LRCH1: variants seen among roughly 807,000 people sequenced by gnomAD.
The protein encoded by LRCH1 is leucine-rich repeat and calponin homology domain-containing protein 1.
In LRCH1, 23 loss-of-function variants were observed where a neutral mutation model predicts 94.9. The ratio of observed to expected loss-of-function variants is 0.24; its 90% confidence interval spans 0.17 to 0.34. LRCH1 has a LOEUF of 0.34. Ranked by LOEUF, LRCH1 falls within the 10% of genes least tolerant of loss-of-function variation. The probability of loss-of-function intolerance (pLI) is 1.00; values close to 1 mark genes in which losing one functional copy is unlikely to be tolerated. For missense variants in LRCH1, 790 were observed against 945.9 expected, an observed-to-expected ratio of 0.84 and a Z score of 2.16; for synonymous variants, 364 against 354.9, an observed-to-expected ratio of 1.03 and a Z score of -0.29.
chr13:46,715,678 T>C lies in LRCH1; in HGVS notation c.1759+14T>C. 6.8e-7 allele frequency: 1 copy of C among 1,465,668 alleles called. No individual in the cohort carries two copies. The highest frequency in any genetic ancestry group is 9.2e-7 in the Non-Finnish European group (1 of 1,081,592). The allele number at this position is 1,465,668 out of a possible 1,614,324, so 90.8% of individuals were successfully genotyped here. A position where few individuals can be genotyped will look rare whatever the true frequency, so the allele number is the denominator to read the frequency against. On this transcript the variant is annotated intron_variant, in intron 16 of 19. Coordinates refer to ENST00000389797, the MANE Select transcript of LRCH1 (RefSeq NM_001164211.2). ...ACAGTGACAATGGTAGGTGGCTTTG[T>C]ACCTATTCTCCAATGTTCTCATTAA...
At chr13:46,580,518 C>T (rs564420625) in intron 1 of LRCH1, among the ~76,000 whole-genome samples, 2 of 152,322 alleles carry the variant, frequency 1.3e-5, no homozygotes, top group East Asian at 3.9e-4. Flanking sequence ...TCTGCTCCAA[C>T]AGTCTTAACG....
chr13:46,732,963 T>G (rs1873188106), intron 18 of LRCH1, among the ~76,000 whole-genome samples: 1 of 152,228 alleles, frequency 6.6e-6, no homozygotes, highest in Non-Finnish European at 1.5e-5. Flanking sequence ...GGCAACAGAC[T>G]CTGTTTTTGG....
intron 1 of LRCH1, among the ~76,000 whole-genome samples, chr13:46,573,845 A>AATAT (rs1555269134): frequency 9.0e-5 from 7 of 77,998 alleles, no homozygotes; most frequent in African/African-American, 2.2e-4. Flanking sequence ...ACTATAGTCA[A>AATAT]ATATATATAT....
chr13:46,733,989 A>G lies in LRCH1; in HGVS notation c.2076A>G (p.Gly692=). The G allele has an allele frequency of 6.3e-7, 1 of 1,588,278 alleles. No homozygotes were observed. The highest frequency in any genetic ancestry group is 8.6e-7 in the Non-Finnish European group (1 of 1,161,622). ...TTTTGGAAGCATGCCGAAAATTAGGAGTACCAGAGGTAACATCAAACTTAC... is the reference window on the plus strand; with the variant it reads ...TTTTGGAAGCATGCCGAAAATTAGGGGTACCAGAGGTAACATCAAACTTAC... The part of the protein sequence containing the change: ...ENFLEACRKL[G]VPEADLCSPC... The change falls in exon 19 of 20, where the codon GGA becomes GGG. Residue 692 remains glycine, a synonymous_variant. Coordinates refer to ENST00000389797, the MANE Select transcript of LRCH1 (RefSeq NM_001164211.2).
rs1456817773 is a variant in LRCH1 at position 46,553,624 on chromosome 13, G to A, written c.228G>A (p.Leu76=). The A allele has an allele frequency of 1.9e-6, 3 of 1,588,422 alleles. No individual in the cohort carries two copies. Among genetic ancestry groups the A allele is most frequent in the Non-Finnish European group, 2.6e-6 (3 of 1,168,320 alleles). ...AGGAGGCGGCCAACTCCGGGGGGCT[G>A]AACCTGAGCGCCAGGAAATTGAAGG... ...ALEEAANSGG[L]NLSARKLKEF... Residue 76 remains leucine (L), a synonymous_variant, in exon 1 of 20, where the codon CTG becomes CTA. Coordinates refer to ENST00000389797, the MANE Select transcript of LRCH1 (RefSeq NM_001164211.2).
At chr13:46,674,872 T>C (rs1182536089) in intron 3 of LRCH1, among the ~76,000 whole-genome samples, 1 of 152,228 alleles carries the variant, frequency 6.6e-6, no homozygotes, top group East Asian at 1.9e-4. Flanking sequence ...CTCACCACAA[T>C]ACAGCACTGT....
At chr13:46,621,759 AG>A (rs535817852) in intron 1 of LRCH1, among the ~76,000 whole-genome samples, 122 of 152,356 alleles carry the variant, frequency 8.0e-4, no homozygotes, top group African/African-American at 2.9e-3. Flanking sequence ...TAAGAGAGTT[AG>A]TAGCTTCATT....
At chr13:46,627,428 A>G (rs1296479039) in intron 1 of LRCH1, among the ~76,000 whole-genome samples, 3 of 150,854 alleles carry the variant, frequency 2.0e-5, no homozygotes, top group African/African-American at 7.4e-5. Flanking sequence ...AAATTTGGCC[A>G]GATTTTAATT....
At chr13:46,724,057 C>T (rs925904629) in intron 17 of LRCH1, among the ~76,000 whole-genome samples, 6 of 152,112 alleles carry the variant, frequency 3.9e-5, no homozygotes, top group African/African-American at 9.7e-5. Context: ...CGCATGATCT[C>T]GGCTCACTGC....
chr13:46,627,586 CTCT>C (rs1016144242), intron 1 of LRCH1, among the ~76,000 whole-genome samples: 8 of 152,138 alleles, frequency 5.3e-5, no homozygotes, highest in East Asian at 1.9e-4. Flanking sequence ...TGCTCTTTCC[CTCT>C]TCTTCTTCCT....
At chr13:46,698,224 C>T (rs922411588) in intron 9 of LRCH1, among the ~76,000 whole-genome samples, 2 of 152,222 alleles carry the variant, frequency 1.3e-5, no homozygotes, top group African/African-American at 2.4e-5. Context: ...CCCCAGTTAG[C>T]TAATGATATG....
At chr13:46,589,371 G>A (rs149662202) in intron 1 of LRCH1, among the ~76,000 whole-genome samples, 21 of 151,992 alleles carry the variant, frequency 1.4e-4, no homozygotes, top group East Asian at 1.9e-4. Context: ...GGGCATTCTC[G>A]TACATAAAGA....
chr13:46,573,862 A>T lies in LRCH1; in HGVS notation c.307+20159A>T, dbSNP rs1236753098. Among the ~76,000 whole-genome samples, 16 of 72,284 alleles carry T rather than the reference A, an allele frequency of 2.2e-4. 2 individuals are homozygous for T. The highest frequency in any genetic ancestry group is 4.2e-4 in the South Asian group (1 of 2,398). The allele number at this position is 72,284 out of a possible 152,430, so 47.4% of individuals were successfully genotyped here. A position where few individuals can be genotyped will look rare whatever the true frequency, so the allele number is the denominator to read the frequency against. On this transcript the variant is annotated intron_variant, in intron 1 of 19. Coordinates refer to ENST00000389797, the MANE Select transcript of LRCH1 (RefSeq NM_001164211.2). Reference sequence around the variant, plus strand: ...TATAGTCAAATATATATATATATATATATATTTTTTTTTTTTTTGAGATGG... The same window carrying T: ...TATAGTCAAATATATATATATATATTTATATTTTTTTTTTTTTTGAGATGG...
intron 1 of LRCH1, among the ~76,000 whole-genome samples, chr13:46,636,133 G>A (rs540668636): frequency 6.5e-5 from 8 of 122,666 alleles, no homozygotes; most frequent in East Asian, 5.7e-4. Context: ...GCAATGGCAC[G>A]ATCTCGGCTC....
intron 1 of LRCH1, 100 bp downstream of exon 1, chr13:46,553,803 G>A (rs905361535): frequency 1.0e-5 from 16 of 1,542,306 alleles, no homozygotes; most frequent in Middle Eastern, 2.3e-4. Flanking sequence ...TGTCTTGCTG[G>A]GGGAGGGAGG....
chr13:46,747,838 A>G (rs145873019), downstream of LRCH1, among the ~76,000 whole-genome samples: 1,144 of 152,150 alleles, frequency 7.5e-3, 12 homozygotes, highest in South Asian at 0.039. Flanking sequence ...CCTGGGCTCA[A>G]ATGATCCTCC....
intron 3 of LRCH1, 72 bp downstream of exon 3, chr13:46,669,228 ACCT>A: frequency 6.4e-7 from 1 of 1,558,416 alleles, no homozygotes; most frequent in Non-Finnish European, 8.7e-7. Context: ...TATTCAGAAA[ACCT>A]TTTTGCTACG....
chr13:46,646,376 G>T (rs1336877329), intron 1 of LRCH1, among the ~76,000 whole-genome samples: 1 of 152,162 alleles, frequency 6.6e-6, no homozygotes, highest in African/African-American at 2.4e-5. Context: ...AGGCACAGAA[G>T]TATCTACAGT....
intron 1 of LRCH1, among the ~76,000 whole-genome samples, chr13:46,576,224 A>G (rs769861978): frequency 6.6e-6 from 1 of 152,202 alleles, no homozygotes; most frequent in Non-Finnish European, 1.5e-5. Flanking sequence ...AAGAAACTCA[A>G]AGGCAGTTTT....
Sources: gnomAD v4.1 joint callset for allele counts (sites outside exome capture counted in the v4.1 genomes callset) on GRCh38, gnomAD v4.1.1 for gene constraint, MANE v1.5 for transcripts, NCBI Gene and HGNC (gene_info 2026-07-23, HGNC 2026-07-21) for gene names.